Variants in KRT28 observed in about 807,000 individuals in gnomAD.
KRT28 encodes keratin 28, also known as keratin, type I cytoskeletal 28.
A neutral mutation model predicts 48.1 loss-of-function variants in KRT28; 45 were observed. The ratio of observed to expected loss-of-function variants is 0.94; its 90% CI spans 0.74 to 1.20. KRT28 has a LOEUF of 1.20. Ranked by LOEUF, KRT28 falls within the 50% of genes most tolerant of loss-of-function variation. The pLI, the probability that KRT28 is intolerant of heterozygous loss-of-function variation, is 0.00. For missense variants in KRT28, 571 were observed against 574.1 expected (o/e 0.99, Z 0.06); for synonymous variants, 228 against 227.4 (o/e 1.00, Z -0.03).
In KRT28 at chr17:40,794,013, C is replaced by T. The variant is rs201969522; in HGVS notation, c.1012G>A (p.Glu338Lys). 165 of 1,613,800 alleles carry T rather than the reference C, an allele frequency of 1.0e-4. 1 individual carries two copies. Among genetic ancestry groups the T allele is most frequent in the Admixed American group, 1.5e-4 (9 of 59,996 alleles). The change falls in exon 6 of 8, where the codon GAG becomes AAG. Residue 338 changes from glutamate to lysine, a missense_variant. By Grantham distance (56) the Glu-to-Lys change is moderately conservative. Transcript: ENST00000306658. Reference sequence around the variant, plus strand: ...GCCAGCTGCGTACAGTAGTTGCTCTCGGTCTCTGTCAAGGAGCACTCCAGG... The same window carrying T: ...GCCAGCTGCGTACAGTAGTTGCTCTTGGTCTCTGTCAAGGAGCACTCCAGG... ...HSLECSLTETESNYCTQLAQI... is the reference protein window; with the variant it reads ...HSLECSLTETKSNYCTQLAQI...
intron 5 of KRT28, among the ~76,000 whole-genome samples, chr17:40,796,706 CAG>C (rs1904620244): frequency 6.6e-6 from 1 of 152,176 alleles, no homozygotes; most frequent in African/African-American, 2.4e-5. Context: ...AAGCATCAGC[CAG>C]GAAGGAAACT....
chr17:40,793,711 AT>A (rs1268256311), intron 6 of KRT28, 117 bp downstream of exon 6: 1 of 936,160 alleles, frequency 1.1e-6, no homozygotes, highest in African/African-American at 1.6e-5. Context: ...AGAGATGGAC[AT>A]GCTTTTCTGC....
chr17:40,798,421 C>G (rs903730257), intron 2 of KRT28, 30 bp from the exon 3 acceptor site: 1 of 1,579,636 alleles, frequency 6.3e-7, no homozygotes. Context: ...AATTTCAGTG[C>G]CAGTAAGACT....
At chr17:40,793,086 C>T (rs1337625893) in intron 7 of KRT28, 69 bp downstream of exon 7, 9 of 1,027,246 alleles carry the variant, frequency 8.8e-6, no homozygotes, top group East Asian at 2.8e-5. Flanking sequence ...GGCAACAGAG[C>T]GAGACTCTGT....
At chr17:40,794,928 T>G (rs1558282) in intron 5 of KRT28, among the ~76,000 whole-genome samples, 96,006 of 152,020 alleles carry the variant, frequency 0.63, 31,142 homozygotes, top group African/African-American at 0.78. Flanking sequence ...CCTCTTTCAT[T>G]ACATTTTCTA....
Position 40,793,885 on chromosome 17 carries a change from C to A in KRT28, c.1140G>T (p.Lys380Asn), listed in dbSNP as rs771208891. 3.5e-5 allele frequency: 57 copies of A among 1,613,796 alleles called. No individual in the cohort carries two copies. In the East Asian group the frequency reaches 1.3e-3, roughly 36 times the overall value. The stretch of plus-strand genomic sequence containing the variant: ...TCTCAATTTCTTTTTCCAAGTGGAC[C>A]TTGACATCGAGGAGATGCTCATACT... ...KLEYEHLLDV[K>N]VHLEKEIETY... is the part of the protein sequence containing the mutation. The change falls in exon 6 of 8, where the codon AAG becomes AAT. Residue 380 changes from lysine (K) to asparagine (N), a missense_variant. Physicochemically the swap from Lys to Asn is moderately conservative, Grantham distance 94. Transcript: ENST00000306658.
chr17:40,794,282 C>G (rs529718957), intron 5 of KRT28, among the ~76,000 whole-genome samples: 1 of 152,236 alleles, frequency 6.6e-6, no homozygotes, highest in Admixed American at 6.5e-5. Context: ...TTTTGATGTT[C>G]CACTGGACAT....
rs72824007 is a variant in KRT28, at chr17:40,794,544, G to T, written c.979-498C>A. Among the ~76,000 whole-genome samples, 6 of 151,780 alleles carry T rather than the reference G, an allele frequency of 4.0e-5. No individual in the cohort carries two copies. In the East Asian group the frequency reaches 1.2e-3, roughly 29 times the overall value. On this transcript the variant is annotated intron_variant, in intron 5 of 7. Coordinates refer to ENST00000306658, the MANE Select transcript of KRT28 (RefSeq NM_181535.3). Reference sequence around the variant, plus strand: ...CTTGATTTTCTAGCCTCTATCAAAGGTCTTTTATTAAGGTACCTGAGATTG... The same window carrying T: ...CTTGATTTTCTAGCCTCTATCAAAGTTCTTTTATTAAGGTACCTGAGATTG...
intron 7 of KRT28, 69 bp from the exon 8 acceptor site, chr17:40,792,638 A>G: frequency 8.9e-7 from 1 of 1,121,416 alleles, no homozygotes; most frequent in Non-Finnish European, 1.3e-6. Flanking sequence ...CTGCTAGTTC[A>G]ATATAATATA....
At chr17:40,796,314 T>C (rs1275972450) in intron 5 of KRT28, among the ~76,000 whole-genome samples, 1 of 152,198 alleles carries the variant, frequency 6.6e-6, no homozygotes, top group East Asian at 1.9e-4. Context: ...CATGCTGACC[T>C]TTGAAGTAAG....
At chr17:40,793,647 G>T (rs552957686) in intron 6 of KRT28, among the ~76,000 whole-genome samples, 182 bp downstream of exon 6, 30 of 152,206 alleles carry the variant, frequency 2.0e-4, no homozygotes, top group Non-Finnish European at 2.9e-4. Context: ...TAATGCAGAG[G>T]AGAACACTGT....
At chr17:40,793,311 C>T (rs1904533865) in intron 6 of KRT28, 101 bp from the exon 7 acceptor site, 2 of 673,264 alleles carry the variant, frequency 3.0e-6, no homozygotes, top group Middle Eastern at 4.2e-4. Flanking sequence ...AAAAACAGGT[C>T]TTAGTTTTCT....
chr17:40,799,076 G>T (rs1904687946), intron 1 of KRT28, 77 bp from the exon 2 acceptor site: 11 of 918,878 alleles, frequency 1.2e-5, no homozygotes, highest in Non-Finnish European at 1.8e-5. Context: ...AATGAAAAAG[G>T]TTACTCAAGT....
rs1904547408 is a variant in KRT28, at chr17:40,793,844, A to G, written c.1181T>C (p.Ile394Thr). The G allele has an allele frequency of 1.2e-6, 2 of 1,613,990 alleles. No homozygotes were observed. The highest frequency in any genetic ancestry group is 2.2e-5 in the East Asian group (1 of 44,892). ...EKEIETYCRL[I>T]DGDGNSCSKS... ...CTTTACTTACTTTCCATCTCCATCT[A>G]TCAGGCGGCAGTAGGTCTCAATTTC... Residue 394 changes from isoleucine (I) to threonine (T), a missense_variant, in exon 6 of 8, where the codon ATA becomes ACA. Ile to Thr is a moderately conservative substitution (Grantham distance 89). Coordinates refer to ENST00000306658, the MANE Select transcript of KRT28 (RefSeq NM_181535.3).
chr17:40,796,079 C>T (rs1904607121), intron 5 of KRT28, among the ~76,000 whole-genome samples: 1 of 152,200 alleles, frequency 6.6e-6, no homozygotes, highest in Non-Finnish European at 1.5e-5. Context: ...AAAAGAATCT[C>T]CCGTTGTTTT....
intron 2 of KRT28, among the ~76,000 whole-genome samples, chr17:40,798,695 T>A (rs549286756): frequency 6.6e-6 from 1 of 152,352 alleles, no homozygotes; most frequent in Admixed American, 6.5e-5. Flanking sequence ...ATCTACTTTG[T>A]GCTTGGCAGT....
At chr17:40,798,482 G>C in intron 2 of KRT28, 91 bp from the exon 3 acceptor site, 1 of 1,376,924 alleles carries the variant, frequency 7.3e-7, no homozygotes, top group East Asian at 2.3e-5. Context: ...CTGAAAATTA[G>C]AAATTGAATT....
chr17:40,799,235 C>T (rs1378477920), intron 1 of KRT28, among the ~76,000 whole-genome samples: 4 of 152,126 alleles, frequency 2.6e-5, no homozygotes, highest in Admixed American at 2.6e-4. Context: ...TATGAATGTA[C>T]TTCAACATAA....
At chr17:40,792,630 G>T in intron 7 of KRT28, 61 bp from the exon 8 acceptor site, 2 of 1,219,102 alleles carry the variant, frequency 1.6e-6, no homozygotes, top group African/African-American at 1.5e-5. Context: ...CAATTCCACT[G>T]CTAGTTCAAT....
Sources: allele counts gnomAD v4.1 joint callset (sites outside exome capture counted in the v4.1 genomes callset), GRCh38; gene constraint gnomAD v4.1.1; transcripts MANE v1.5; gene names NCBI Gene and HGNC (gene_info 2026-07-23, HGNC 2026-07-21).